Variants in GPC6 observed in about 807,000 individuals in gnomAD.
The protein encoded by GPC6 is glypican 6, also known as glypican-6.
A neutral mutation model predicts 55.2 loss-of-function variants in GPC6; 14 were observed. The ratio of observed to expected loss-of-function variants is 0.25; its 90% CI spans 0.17 to 0.40. GPC6 has a LOEUF of 0.40. GPC6 is among the 10% of genes least tolerant of loss of function. GPC6 has a pLI of 1.00. For synonymous variants in GPC6, 278 were observed against 259.6 expected (o/e 1.07, Z -0.68); for missense variants, 641 against 708.5 (o/e 0.90, Z 1.08).
At chr13:94,149,357 A>G (rs1395825161) in intron 4 of GPC6, among the ~76,000 whole-genome samples, 1 of 152,176 alleles carries the variant, frequency 6.6e-6, no homozygotes, top group Non-Finnish European at 1.5e-5. Flanking sequence ...GAGAAAGGAT[A>G]TTATTGGCAC....
At chr13:93,943,643 A>T (rs144730797) in intron 3 of GPC6, among the ~76,000 whole-genome samples, 1 of 152,228 alleles carries the variant, frequency 6.6e-6, no homozygotes, top group East Asian at 1.9e-4. Context: ...CAATGTAAAG[A>T]TGGCTTCTTG....
chr13:93,368,135 G>A (rs1881314387), intron 1 of GPC6, among the ~76,000 whole-genome samples: 1 of 151,900 alleles, frequency 6.6e-6, no homozygotes, highest in Non-Finnish European at 1.5e-5. Flanking sequence ...CTCTATGATT[G>A]CTTTGTCTTA....
At chr13:93,824,216 G>A (rs1887155126) in intron 2 of GPC6, among the ~76,000 whole-genome samples, 1 of 152,080 alleles carries the variant, frequency 6.6e-6, no homozygotes, top group Non-Finnish European at 1.5e-5. Flanking sequence ...TAAAAAAACT[G>A]TATGAGTGAG....
At chr13:93,322,603 A>AT (rs1049575564) in intron 1 of GPC6, among the ~76,000 whole-genome samples, 21 of 149,960 alleles carry the variant, frequency 1.4e-4, no homozygotes, top group African/African-American at 3.9e-4. Flanking sequence ...TGCCCAGCTA[A>AT]TTTTTTTTGT....
intron 1 of GPC6, among the ~76,000 whole-genome samples, chr13:93,240,935 T>C (rs771740211): frequency 2.0e-5 from 3 of 152,264 alleles, no homozygotes; most frequent in East Asian, 1.9e-4. Flanking sequence ...TTGGTGACCA[T>C]TACTCTGTTT....
intron 2 of GPC6, among the ~76,000 whole-genome samples, chr13:93,649,006 A>G (rs1880293769): frequency 6.6e-6 from 1 of 152,132 alleles, no homozygotes; most frequent in Admixed American, 6.6e-5. Flanking sequence ...TTTTTGAGAT[A>G]ATCTTAATGG....
chr13:93,448,933 C>T (rs1878111232), intron 1 of GPC6, among the ~76,000 whole-genome samples: 1 of 151,952 alleles, frequency 6.6e-6, no homozygotes, highest in African/African-American at 2.4e-5. Flanking sequence ...TAATCTGCTT[C>T]TTTATTAAGT....
intron 1 of GPC6, among the ~76,000 whole-genome samples, chr13:93,496,388 A>T (rs897044150): frequency 2.6e-5 from 4 of 152,024 alleles, no homozygotes; most frequent in Non-Finnish European, 5.9e-5. Context: ...CGGCTCGCGC[A>T]CCCACTGGCC....
rs111393157 is a variant in GPC6, at chr13:94,078,342, C to A, written c.877+50448C>A. 7.3e-5 allele frequency among the ~76,000 whole-genome samples: 11 copies of A among 151,724 alleles called. 1 individual carries two copies. The highest frequency in any genetic ancestry group is 1.5e-4 in the Non-Finnish European group (10 of 67,740). ...GATCTCAAAAAACCTAATTTTCTAC[C>A]TCAAGAACCTAGAAAAAGAACAAAC... On this transcript the variant is annotated intron_variant, in intron 4 of 8. Coordinates refer to ENST00000377047, the MANE Select transcript of GPC6 (RefSeq NM_005708.5).
At chr13:94,402,598 G>A (rs1234321711) in intron 8 of GPC6, among the ~76,000 whole-genome samples, 1 of 152,156 alleles carries the variant, frequency 6.6e-6, no homozygotes, top group Non-Finnish European at 1.5e-5. Context: ...TTTCCTGGTT[G>A]GTTGTATTAG....
chr13:93,519,564 TA>T (rs1462344434), intron 1 of GPC6, among the ~76,000 whole-genome samples: 2 of 152,022 alleles, frequency 1.3e-5, no homozygotes, highest in Admixed American at 1.3e-4. Context: ...TTGAGTAGAT[TA>T]TTTTTTTCTG....
chr13:93,580,283 A>G (rs1462107184), intron 2 of GPC6, among the ~76,000 whole-genome samples: 2 of 152,158 alleles, frequency 1.3e-5, no homozygotes, highest in Non-Finnish European at 2.9e-5. Context: ...TGACCTATTC[A>G]TCTTCCAAAA....
At chr13:93,626,357 A>C (rs1879201032) in intron 2 of GPC6, among the ~76,000 whole-genome samples, 1 of 152,224 alleles carries the variant, frequency 6.6e-6, no homozygotes. Context: ...CACAAGGTGC[A>C]CATCCATGGA....
intron 4 of GPC6, among the ~76,000 whole-genome samples, chr13:94,083,574 A>T (rs1028577106): frequency 6.6e-6 from 1 of 152,246 alleles, no homozygotes; most frequent in African/African-American, 2.4e-5. Context: ...AGGAGTGCCT[A>T]GCACTTGATA....
intron 2 of GPC6, among the ~76,000 whole-genome samples, chr13:93,734,903 TAATA>T (rs1468485834): frequency 6.6e-5 from 10 of 152,138 alleles, no homozygotes; most frequent in East Asian, 1.9e-4. Flanking sequence ...ATACAGTAGA[TAATA>T]AATAAAGTAC....
At chr13:93,534,006 G>T (rs1594242859) in intron 1 of GPC6, among the ~76,000 whole-genome samples, 1 of 152,114 alleles carries the variant, frequency 6.6e-6, no homozygotes, top group African/African-American at 2.4e-5. Context: ...AGAAACAGGA[G>T]AAGAAGCCTT....
chr13:93,685,667 C>A (rs1022341106), intron 2 of GPC6, among the ~76,000 whole-genome samples: 3 of 152,008 alleles, frequency 2.0e-5, no homozygotes, highest in African/African-American at 7.2e-5. Context: ...TGCTGATGAG[C>A]CTGGAGTCGC....
At chr13:93,776,671 C>T (rs953420378) in intron 2 of GPC6, among the ~76,000 whole-genome samples, 6 of 152,054 alleles carry the variant, frequency 3.9e-5, no homozygotes. Context: ...ATGCTTCTGC[C>T]CTTGGCTTCA....
chr13:94,304,836 CA>C (rs1480884961), intron 5 of GPC6, among the ~76,000 whole-genome samples: 5 of 152,154 alleles, frequency 3.3e-5, no homozygotes, highest in Non-Finnish European at 5.9e-5. Context: ...GAACAGCTGT[CA>C]ACAACAAAAT....
Sources: allele counts gnomAD v4.1 joint callset (sites outside exome capture counted in the v4.1 genomes callset), GRCh38; gene constraint gnomAD v4.1.1; transcripts MANE v1.5; gene names NCBI Gene and HGNC (gene_info 2026-07-23, HGNC 2026-07-21).